GABRB1: variants seen among roughly 807,000 people sequenced by gnomAD.
The protein encoded by GABRB1 is gamma-aminobutyric acid type A receptor subunit beta1.
Under a neutral mutation model 51.6 loss-of-function variants are expected in GABRB1, and 17 were observed. The ratio of observed to expected loss-of-function variants is 0.33; its 90% CI spans 0.23 to 0.49. The LOEUF is 0.49. GABRB1 is among the 20% of genes least tolerant of loss of function. The pLI is 0.99. For missense variants in GABRB1, 410 were observed against 600.6 expected (o/e 0.68, Z 3.32); for synonymous variants, 247 against 218.9 (o/e 1.13, Z -1.14).
chr4:47,069,281 T>G (rs1365240485), intron 3 of GABRB1, among the ~76,000 whole-genome samples: 1 of 152,216 alleles, frequency 6.6e-6, no homozygotes, highest in East Asian at 1.9e-4. Flanking sequence ...TTTTGAAATA[T>G]TCCTCAAATC....
chr4:47,417,126 G>A (rs1430099758), intron 8 of GABRB1, among the ~76,000 whole-genome samples: 4 of 152,078 alleles, frequency 2.6e-5, no homozygotes, highest in Non-Finnish European at 5.9e-5. Context: ...CTTTCAATCA[G>A]TAGCATGAGG....
intron 4 of GABRB1, among the ~76,000 whole-genome samples, chr4:47,201,268 G>T (rs1349690138): frequency 6.6e-6 from 1 of 151,914 alleles, no homozygotes; most frequent in African/African-American, 2.4e-5. Context: ...TTTTGAATAA[G>T]AAACCAAAGT....
intron 4 of GABRB1, among the ~76,000 whole-genome samples, chr4:47,267,970 T>TA (rs1722706185): frequency 6.6e-6 from 1 of 152,138 alleles, no homozygotes; most frequent in Non-Finnish European, 1.5e-5. Flanking sequence ...CTCCTGAAGA[T>TA]AAAAAAATTT....
intron 1 of GABRB1, among the ~76,000 whole-genome samples, chr4:47,008,410 A>C (rs1343380677): frequency 6.6e-6 from 1 of 152,164 alleles, no homozygotes; most frequent in Non-Finnish European, 1.5e-5. Context: ...AAGGAATGCC[A>C]ACTGTAAAAC....
chr4:47,324,932 C>T (rs926285769), intron 5 of GABRB1, among the ~76,000 whole-genome samples: 1 of 152,206 alleles, frequency 6.6e-6, no homozygotes, highest in Non-Finnish European at 1.5e-5. Context: ...ATCATCTATT[C>T]TACTTGCAAA....
At chr4:47,028,746 A>G (rs185620171), upstream of GABRB1, among the ~76,000 whole-genome samples, 1 of 150,262 alleles carries the variant, frequency 6.7e-6, no homozygotes, top group East Asian at 1.9e-4. Flanking sequence ...ACATACACAC[A>G]CAAACACACA....
chr4:47,331,519 T>C (rs1725478297), intron 5 of GABRB1, among the ~76,000 whole-genome samples: 1 of 152,204 alleles, frequency 6.6e-6, no homozygotes, highest in South Asian at 2.1e-4. Flanking sequence ...TTTACAGATT[T>C]AGATTCTGGA....
At chr4:47,347,503 G>A (rs984845285) in intron 5 of GABRB1, among the ~76,000 whole-genome samples, 6 of 152,236 alleles carry the variant, frequency 3.9e-5, no homozygotes, top group Admixed American at 1.3e-4. Flanking sequence ...TGCCGTATAT[G>A]CTGTTGCCAA....
At chr4:47,114,446 C>T (rs911735918) in intron 3 of GABRB1, among the ~76,000 whole-genome samples, 5 of 152,152 alleles carry the variant, frequency 3.3e-5, no homozygotes. Flanking sequence ...TGTGTTCATC[C>T]TCATCTCCAC....
intron 4 of GABRB1, among the ~76,000 whole-genome samples, chr4:47,311,189 T>C (rs919088874): frequency 1.1e-4 from 16 of 150,088 alleles, no homozygotes; most frequent in Non-Finnish European, 1.6e-4. Flanking sequence ...AGGTCAGGAG[T>C]TCGAGACCAG....
intron 5 of GABRB1, among the ~76,000 whole-genome samples, chr4:47,372,409 G>T (rs1255616048): frequency 6.6e-6 from 1 of 152,132 alleles, no homozygotes; most frequent in Non-Finnish European, 1.5e-5. Context: ...GATGCAGAGA[G>T]CTTTGTTTTT....
intron 5 of GABRB1, among the ~76,000 whole-genome samples, chr4:47,365,772 C>G (rs1166571319): frequency 6.6e-6 from 1 of 152,146 alleles, no homozygotes; most frequent in Non-Finnish European, 1.5e-5. Context: ...GACCACGGCT[C>G]CTACCTGAGG....
chr4:47,381,921 A>G (rs1344443305), intron 5 of GABRB1, among the ~76,000 whole-genome samples: 2 of 152,170 alleles, frequency 1.3e-5, no homozygotes, highest in Non-Finnish European at 2.9e-5. Context: ...AATTACAAAG[A>G]TTGTCAGATG....
rs372332762 is a variant in GABRB1 at position 47,247,033 on chromosome 4, T to C, written c.462-73094T>C. Among the ~76,000 whole-genome samples the C allele has an allele frequency of 1.2e-3, 190 of 152,268 alleles. 1 individual carries two copies. The highest frequency in any genetic ancestry group is 2.9e-3 in the South Asian group (14 of 4,830). ...GCAAAAGCTCTTTAGTTTAATTAAGTCCCAACCATTTATCTTAGTTTTTAT... is the reference window on the plus strand; with the variant it reads ...GCAAAAGCTCTTTAGTTTAATTAAGCCCCAACCATTTATCTTAGTTTTTAT... On this transcript the variant is annotated intron_variant, in intron 4 of 8. Coordinates refer to ENST00000295454, the MANE Select transcript of GABRB1 (RefSeq NM_000812.4).
At chr4:47,021,676 G>A (rs1387667088) in intron 1 of GABRB1, among the ~76,000 whole-genome samples, 3 of 151,838 alleles carry the variant, frequency 2.0e-5, no homozygotes, top group South Asian at 2.1e-4. Context: ...TCTCTATCCT[G>A]TGTCTTTTCT....
intron 3 of GABRB1, among the ~76,000 whole-genome samples, chr4:47,049,207 G>T (rs116283354): frequency 1.3e-5 from 2 of 152,144 alleles, no homozygotes; most frequent in African/African-American, 4.8e-5. Context: ...TAGCAAAGGC[G>T]ATTTGTTTGT....
chr4:47,237,946 T>C (rs892643925), intron 4 of GABRB1, among the ~76,000 whole-genome samples: 6 of 152,048 alleles, frequency 3.9e-5, no homozygotes, highest in African/African-American at 1.4e-4. Context: ...TAATTTTTGT[T>C]GTAATTAAAT....
intron 4 of GABRB1, among the ~76,000 whole-genome samples, chr4:47,237,882 T>C (rs980815410): frequency 6.6e-6 from 1 of 152,026 alleles, no homozygotes; most frequent in Non-Finnish European, 1.5e-5. Flanking sequence ...AAAAATACAT[T>C]GATTCTTTTT....
At chr4:47,204,434 T>G (rs1720031547) in intron 4 of GABRB1, among the ~76,000 whole-genome samples, 1 of 152,150 alleles carries the variant, frequency 6.6e-6, no homozygotes, top group Admixed American at 6.6e-5. Context: ...AGTTTTACCC[T>G]GATTAGAAGG....
Sources: allele counts gnomAD v4.1 joint callset (sites outside exome capture counted in the v4.1 genomes callset), GRCh38; gene constraint gnomAD v4.1.1; transcripts MANE v1.5; gene names NCBI Gene and HGNC (gene_info 2026-07-23, HGNC 2026-07-21).